RNF38: variants seen among roughly 807,000 people sequenced by gnomAD.
RNF38 encodes the protein E3 ubiquitin-protein ligase RNF38.
RNF38 carries 15 observed loss-of-function variants against 67.2 expected under a neutral mutation model. That is an observed-to-expected ratio of 0.22 (90% CI 0.15 to 0.34). The LOEUF (loss-of-function observed/expected upper bound fraction) is 0.34. Among genes scored for constraint, RNF38 ranks in the 10% least tolerant of loss-of-function variants. The probability of loss-of-function intolerance (pLI) is 1.00; values close to 1 mark genes in which losing one functional copy is unlikely to be tolerated. For synonymous variants in RNF38, 220 were observed against 218.8 expected (o/e 1.01, Z -0.05); for missense variants, 524 against 639.9 (o/e 0.82, Z 1.95).
At chr9:36,358,367 T>C (rs1834280957) in intron 4 of RNF38, among the ~76,000 whole-genome samples, 1 of 152,256 alleles carries the variant, frequency 6.6e-6, no homozygotes, top group Non-Finnish European at 1.5e-5. Flanking sequence ...ATTTCCCGCC[T>C]AGCCAATCTT....
intron 1 of RNF38, among the ~76,000 whole-genome samples, chr9:36,473,107 G>A (rs942992848): frequency 3.3e-5 from 5 of 151,862 alleles, no homozygotes; most frequent in African/African-American, 9.7e-5. Flanking sequence ...ACTCCAGCCT[G>A]GGTGACAAGC....
chr9:36,416,827 A>C (rs1838487318), intron 2 of RNF38, among the ~76,000 whole-genome samples: 1 of 133,284 alleles, frequency 7.5e-6, no homozygotes, highest in Non-Finnish European at 1.5e-5. Flanking sequence ...ATCTCAGCTC[A>C]CTGCAGCCTC....
intron 1 of RNF38, among the ~76,000 whole-genome samples, chr9:36,462,980 C>CTTT (rs112977096): frequency 6.9e-6 from 1 of 145,306 alleles, no homozygotes; most frequent in African/African-American, 2.5e-5. Flanking sequence ...CCCTGATTTA[C>CTTT]TTTTTTTTTT....
chr9:36,368,179 C>T (rs527518130), intron 4 of RNF38, among the ~76,000 whole-genome samples: 112 of 152,200 alleles, frequency 7.4e-4, no homozygotes, highest in African/African-American at 2.6e-3. Context: ...ATTTTAAAGA[C>T]GGATTTTGTT....
rs143428463 is a variant in RNF38, at chr9:36,358,076, C to T, written c.571-134G>A. 1.5e-3 allele frequency: 1,005 copies of T among 655,364 alleles called. 4 individuals are homozygous for T. The highest frequency in any genetic ancestry group is 2.4e-3 in the Non-Finnish European group (911 of 383,778). The allele number at this position is 655,364 out of a possible 1,614,324, so 40.6% of individuals were successfully genotyped here. ...TTCACAATGTACTCTCCAATAGTTT[C>T]GACCAGAATATTCATTGTCTTTGTA... On this transcript the variant is annotated intron_variant, in intron 4 of 11. Transcript: ENST00000259605.
chr9:36,487,585 G>A (rs1255488846), upstream of RNF38: 2 of 979,544 alleles, frequency 2.0e-6, no homozygotes, highest in African/African-American at 1.8e-5. Flanking sequence ...CAGCGGCTCC[G>A]GCTGCGACTC....
At chr9:36,457,790 C>A (rs1293823379) in intron 1 of RNF38, among the ~76,000 whole-genome samples, 2 of 151,844 alleles carry the variant, frequency 1.3e-5, no homozygotes, top group African/African-American at 4.8e-5. Context: ...CACCTGTGAG[C>A]TGAGATCACG....
At chr9:36,486,399 G>A (rs1056885210) in intron 1 of RNF38, among the ~76,000 whole-genome samples, 6 of 152,170 alleles carry the variant, frequency 3.9e-5, no homozygotes, top group African/African-American at 1.2e-4. Flanking sequence ...TTCTCGGGGA[G>A]TTCTCCAAGT....
In RNF38 at chr9:36,344,870, A is replaced by G. The variant is rs200762034; in HGVS notation, c.1347T>C (p.Tyr449=). The stretch of plus-strand genomic sequence containing the variant: ...ACTGGTGGTTGTTAGGATTGAACCG[A>G]TAAGAAGGAAGTTGTTCAATATCTG... ...TKADIEQLPS[Y]RFNPNNHQSE... Residue 449 remains tyrosine (Y), a synonymous_variant, in exon 10 of 12, where the codon TAT becomes TAC. Transcript: ENST00000259605. 3.4e-4 allele frequency: 551 copies of G among 1,614,112 alleles called. 10 individuals are homozygous for G. In the South Asian group the frequency reaches 5.7e-3, roughly 17 times the overall value.
At chr9:36,406,444 C>T (rs1336424355) in intron 2 of RNF38, among the ~76,000 whole-genome samples, 1 of 152,220 alleles carries the variant, frequency 6.6e-6, no homozygotes, top group African/African-American at 2.4e-5. Flanking sequence ...TATAATCTCA[C>T]TCCAACAACC....
At position 36,371,823 on chromosome 9, in the gene RNF38, CTG is replaced by C. The variant is rs961491168; in HGVS notation, c.357-1893_357-1892del. Among the ~76,000 whole-genome samples, 10 of 152,202 alleles carry C rather than the reference CTG, an allele frequency of 6.6e-5. No individual in the cohort carries two copies. In the South Asian group the frequency reaches 1.9e-3, roughly 28 times the overall value. On this transcript the variant is annotated intron_variant, in intron 3 of 11. Coordinates refer to ENST00000259605, the MANE Select transcript of RNF38 (RefSeq NM_022781.5). ...TATTAGACATTTAGAACTTATGACT[CTG>C]TGTTCATACTTAAATTTACTTTTCC...
chr9:36,436,683 C>T (rs553917398), intron 1 of RNF38, among the ~76,000 whole-genome samples: 8 of 151,890 alleles, frequency 5.3e-5, no homozygotes, highest in African/African-American at 1.9e-4. Flanking sequence ...ATTAGCCGGG[C>T]GTGGTGGCAG....
intron 2 of RNF38, among the ~76,000 whole-genome samples, chr9:36,414,385 A>AGTTTT (rs1368870799): frequency 6.6e-6 from 1 of 151,988 alleles, no homozygotes; most frequent in Non-Finnish European, 1.5e-5. Flanking sequence ...TGTACTTTGA[A>AGTTTT]GTTTTGTTTT....
In RNF38 at chr9:36,343,996, C is replaced by A. The variant is rs150131640; in HGVS notation, c.1385+836G>T. 4.4e-3 allele frequency among the ~76,000 whole-genome samples: 669 copies of A among 152,112 alleles called. 1 individual carries two copies. The highest frequency in any genetic ancestry group is 0.014 in the African/African-American group (580 of 41,512). Reference sequence around the variant, plus strand: ...CACAGCTCTATGAATATACAAAAAACCACTGAATTGTACTTTTTAAATTAT... The same window carrying A: ...CACAGCTCTATGAATATACAAAAAAACACTGAATTGTACTTTTTAAATTAT... On this transcript the variant is annotated intron_variant, in intron 10 of 11. Transcript: ENST00000259605.
intron 4 of RNF38, among the ~76,000 whole-genome samples, chr9:36,358,219 G>A (rs1298570638): frequency 6.6e-6 from 1 of 152,090 alleles, no homozygotes; most frequent in Non-Finnish European, 1.5e-5. Context: ...AACTCTTCTA[G>A]CCTGTCCTAT....
At chr9:36,459,329 C>A (rs1435119890) in intron 1 of RNF38, among the ~76,000 whole-genome samples, 1 of 152,108 alleles carries the variant, frequency 6.6e-6, no homozygotes, top group South Asian at 2.1e-4. Flanking sequence ...AAAAACACTC[C>A]CTGAAATTAC....
At chr9:36,385,619 T>A (rs1198362113) in intron 2 of RNF38, among the ~76,000 whole-genome samples, 1 of 152,106 alleles carries the variant, frequency 6.6e-6, no homozygotes, top group Non-Finnish European at 1.5e-5. Context: ...CCTCAGGTGA[T>A]CCACCCGCCT....
chr9:36,371,177 A>G (rs553922664), intron 3 of RNF38, among the ~76,000 whole-genome samples: 1 of 152,150 alleles, frequency 6.6e-6, no homozygotes, highest in South Asian at 2.1e-4. Flanking sequence ...AACTTTCTTT[A>G]TGGTCACTTT....
At position 36,338,972 on chromosome 9, in the gene RNF38, ACTTT is replaced by A. The variant is rs1832652760; in HGVS notation, c.*776_*779del. The A allele has an allele frequency of 6.6e-6, 1 of 152,626 alleles. No homozygotes were observed. The highest frequency in any genetic ancestry group is 6.5e-5 in the Admixed American group (1 of 15,280). The allele number at this position is 152,626 out of a possible 1,614,324, so 9.5% of individuals were successfully genotyped here. ...GGTTCATGGAGCGAGAATTTGTTAC[ACTTT>A]TTTTTCTTAAGTGACCCACTTAGGA... On this transcript the variant is annotated 3_prime_UTR_variant, in exon 12 of 12. Coordinates refer to ENST00000259605, the MANE Select transcript of RNF38 (RefSeq NM_022781.5).
Sources: allele counts gnomAD v4.1 joint callset (sites outside exome capture counted in the v4.1 genomes callset), GRCh38; gene constraint gnomAD v4.1.1; transcripts MANE v1.5; gene names NCBI Gene and HGNC (gene_info 2026-07-23, HGNC 2026-07-21).